VWA8: variants seen among roughly 807,000 people sequenced by gnomAD.
VWA8 encodes the protein von Willebrand factor A domain-containing protein 8.
A neutral mutation model predicts 241.5 loss-of-function variants in VWA8; 221 were observed. The ratio of observed to expected loss-of-function variants is 0.91; its 90% CI spans 0.82 to 1.02. VWA8 has a LOEUF of 1.02. VWA8 is among the 50% of genes least tolerant of loss of function. VWA8 has a pLI of 0.00. For synonymous variants in VWA8, 852 were observed against 827.1 expected (o/e 1.03, Z -0.52); for missense variants, 2,322 against 2,328.7 (o/e 1.00, Z 0.06).
intron 21 of VWA8, among the ~76,000 whole-genome samples, chr13:41,751,082 T>C (rs980582568): frequency 6.6e-6 from 1 of 151,982 alleles, no homozygotes; most frequent in East Asian, 1.9e-4. Context: ...AAGTTACAGT[T>C]TGAAAACAGC....
chr13:41,935,155 T>C (rs1041443878), intron 2 of VWA8, among the ~76,000 whole-genome samples: 1 of 152,088 alleles, frequency 6.6e-6, no homozygotes, highest in Non-Finnish European at 1.5e-5. Context: ...AGCAATATGA[T>C]TGGTGACATA....
chr13:41,899,054 C>T (rs1180778961), intron 4 of VWA8, among the ~76,000 whole-genome samples: 3 of 152,214 alleles, frequency 2.0e-5, no homozygotes, highest in Admixed American at 6.5e-5. Flanking sequence ...CTGAAGGACT[C>T]CTCAAGTGCC....
intron 2 of VWA8, among the ~76,000 whole-genome samples, chr13:41,941,662 A>C (rs1198932625): frequency 2.0e-5 from 3 of 152,220 alleles, no homozygotes; most frequent in African/African-American, 7.2e-5. Flanking sequence ...CCCCATACTC[A>C]ACAGTGTCAC....
intron 40 of VWA8, among the ~76,000 whole-genome samples, chr13:41,593,924 T>C (rs887154864): frequency 1.3e-5 from 2 of 152,130 alleles, no homozygotes; most frequent in East Asian, 3.8e-4. Context: ...AAATTGTATA[T>C]AACATGTTAC....
At chr13:41,691,497 A>T in intron 31 of VWA8, 52 bp from the exon 32 acceptor site, 5 of 1,595,204 alleles carry the variant, frequency 3.1e-6, no homozygotes, top group Non-Finnish European at 4.3e-6. Context: ...ATAATGGTTG[A>T]GTAATCTGGC....
At chr13:41,960,597 T>C (rs1327986287) in intron 1 of VWA8, among the ~76,000 whole-genome samples, 1 of 152,172 alleles carries the variant, frequency 6.6e-6, no homozygotes, top group Admixed American at 6.5e-5. Flanking sequence ...GAGAAATCAC[T>C]CTTCTAGGTC....
intron 9 of VWA8, among the ~76,000 whole-genome samples, chr13:41,872,426 T>G (rs1168826970): frequency 6.6e-6 from 1 of 152,246 alleles, no homozygotes; most frequent in Non-Finnish European, 1.5e-5. Flanking sequence ...CTTCTAGGGT[T>G]TTTATGGTTT....
At chr13:41,863,391 CTATTTGTGTGTGTGTG>C (rs1281999507) in intron 12 of VWA8, among the ~76,000 whole-genome samples, 2 of 82,086 alleles carry the variant, frequency 2.4e-5, no homozygotes, top group African/African-American at 4.6e-5. Flanking sequence ...TGTGTATCTC[CTATTTGTGTGTGTGTG>C]TGTGTGTGTG....
chr13:41,731,629 T>C (rs960057031), intron 22 of VWA8, among the ~76,000 whole-genome samples: 3 of 152,284 alleles, frequency 2.0e-5, no homozygotes, highest in Non-Finnish European at 4.4e-5. Context: ...TAGAATCTGA[T>C]ACGGTTTGGC....
chr13:41,888,662 T>C (rs1874664432), intron 5 of VWA8, among the ~76,000 whole-genome samples: 2 of 152,186 alleles, frequency 1.3e-5, no homozygotes, highest in Admixed American at 1.3e-4. Flanking sequence ...TTTGTACCCT[T>C]TTACTTTATC....
intron 20 of VWA8, among the ~76,000 whole-genome samples, chr13:41,766,583 T>C (rs2045780392): frequency 6.6e-6 from 1 of 152,230 alleles, no homozygotes; most frequent in Admixed American, 6.5e-5. Context: ...TATCTTTGCT[T>C]ATGTGGTTTC....
intron 12 of VWA8, among the ~76,000 whole-genome samples, chr13:41,851,183 C>T (rs754926084): frequency 6.6e-6 from 1 of 152,008 alleles, no homozygotes; most frequent in Non-Finnish European, 1.5e-5. Context: ...TTCCCATTCC[C>T]CAGTTCCTGA....
intron 12 of VWA8, among the ~76,000 whole-genome samples, chr13:41,857,363 A>G (rs1872797314): frequency 6.6e-6 from 1 of 152,204 alleles, no homozygotes; most frequent in Non-Finnish European, 1.5e-5. Flanking sequence ...TTTTCCAGAA[A>G]TGGCGATGTA....
intron 23 of VWA8, 60 bp from the exon 24 acceptor site, chr13:41,727,373 C>T (rs949550409): frequency 8.7e-7 from 1 of 1,146,182 alleles, no homozygotes; most frequent in East Asian, 2.7e-5. Flanking sequence ...AAATATCAAG[C>T]AACAATCTTT....
At chr13:41,788,521 A>G (rs1869309783) in intron 17 of VWA8, among the ~76,000 whole-genome samples, 1 of 152,206 alleles carries the variant, frequency 6.6e-6, no homozygotes, top group Admixed American at 6.5e-5. Context: ...AGGCTATGAT[A>G]GAGGAAATTA....
intron 37 of VWA8, among the ~76,000 whole-genome samples, chr13:41,644,164 G>A (rs1424910669): frequency 1.3e-5 from 2 of 151,406 alleles, no homozygotes; most frequent in Non-Finnish European, 2.9e-5. Context: ...TTTTTCCCAG[G>A]GAAGCAAGGT....
At chr13:41,850,113 G>T (rs1872468731) in intron 12 of VWA8, among the ~76,000 whole-genome samples, 1 of 152,062 alleles carries the variant, frequency 6.6e-6, no homozygotes, top group Admixed American at 6.5e-5. Context: ...TCCTTATTTG[G>T]TGGGATTCCT....
Position 41,729,610 on chromosome 13 carries a change from G to T in VWA8, c.2570C>A (p.Thr857Lys). The change falls in exon 23 of 45, where the codon ACG becomes AAG. Residue 857 changes from threonine to lysine, a missense_variant. Coordinates refer to ENST00000379310, the MANE Select transcript of VWA8 (RefSeq NM_015058.2). ...TTCTACTAGAGTTTTTAAAATACAC[G>T]TGACATTTGTTGGAGCTTTGTCAGC... Reference protein sequence around the residue: ...DEADKAPTNVTCILKTLVENG... With the variant: ...DEADKAPTNVKCILKTLVENG... The T allele has an allele frequency of 6.2e-7, 1 of 1,612,954 alleles. No homozygotes were observed. Among genetic ancestry groups the T allele is most frequent in the Admixed American group, 1.7e-5 (1 of 59,920 alleles).
chr13:41,672,100 A>C (rs2045029817), intron 36 of VWA8, among the ~76,000 whole-genome samples: 1 of 152,160 alleles, frequency 6.6e-6, no homozygotes, highest in African/African-American at 2.4e-5. Flanking sequence ...CACGCTAATG[A>C]GTGAGTACTG....
Sources: gnomAD v4.1 joint callset for allele counts (sites outside exome capture counted in the v4.1 genomes callset) on GRCh38, gnomAD v4.1.1 for gene constraint, MANE v1.5 for transcripts, NCBI Gene and HGNC (gene_info 2026-07-23, HGNC 2026-07-21) for gene names.